ORC5: variants seen among roughly 807,000 people sequenced by gnomAD.
ORC5 encodes the protein protein phosphatase 1, regulatory subunit 117.
In ORC5, 39 loss-of-function variants were observed where a neutral mutation model predicts 58.8. The observed-to-expected ratio is 0.66, with a 90% confidence interval of 0.51 to 0.87. The LOEUF is 0.87. Ranked by LOEUF, ORC5 falls within the 40% of genes least tolerant of loss-of-function variation. The pLI, the probability that ORC5 is intolerant of heterozygous loss-of-function variation, is 0.00. For synonymous variants in ORC5, 218 were observed against 177.6 expected, an observed-to-expected ratio of 1.23 and a Z score of -1.81; for missense variants, 493 against 506.3, an observed-to-expected ratio of 0.97 and a Z score of 0.25.
chr7:104,203,379 C>T (rs1404344043), intron 2 of ORC5, among the ~76,000 whole-genome samples: 4 of 152,158 alleles, frequency 2.6e-5, no homozygotes, highest in African/African-American at 4.8e-5. Flanking sequence ...ACAGAAACTA[C>T]GTGGTCCACA....
intron 13 of ORC5, among the ~76,000 whole-genome samples, chr7:104,131,200 G>A (rs1392464968): frequency 2.6e-5 from 4 of 151,992 alleles, no homozygotes; most frequent in Non-Finnish European, 1.5e-5. Context: ...TACTATTTCT[G>A]CCCTTAGTCT....
chr7:104,191,570 GAA>G (rs1799677469), intron 5 of ORC5, among the ~76,000 whole-genome samples: 1 of 150,728 alleles, frequency 6.6e-6, no homozygotes, highest in Admixed American at 6.6e-5. Flanking sequence ...CAGCCCTGAT[GAA>G]AGTCTTATAA....
chr7:104,173,700 G>A (rs1275124113), intron 8 of ORC5, among the ~76,000 whole-genome samples: 1 of 152,150 alleles, frequency 6.6e-6, no homozygotes, highest in East Asian at 1.9e-4. Context: ...TTCTGGTAAG[G>A]ACAAGTGTCC....
chr7:104,197,309 C>T (rs1328432276), intron 4 of ORC5, among the ~76,000 whole-genome samples: 2 of 152,082 alleles, frequency 1.3e-5, no homozygotes, highest in East Asian at 1.9e-4. Flanking sequence ...AACTGAAATA[C>T]AAAAGTAAAC....
intron 3 of ORC5, among the ~76,000 whole-genome samples, 197 bp downstream of exon 3, chr7:104,200,561 G>A (rs1029698137): frequency 4.6e-5 from 7 of 152,206 alleles, no homozygotes; most frequent in South Asian, 2.1e-4. Flanking sequence ...GCATGTAGTC[G>A]TATGTATGTG....
At chr7:104,190,258 T>C (rs1799644671) in intron 5 of ORC5, among the ~76,000 whole-genome samples, 1 of 152,080 alleles carries the variant, frequency 6.6e-6, no homozygotes, top group South Asian at 2.1e-4. Context: ...AAAAATACTG[T>C]AGATTCTAGT....
Position 104,129,238 on chromosome 7 carries a change from T to A in ORC5, c.1263-2345A>T, listed in dbSNP as rs1798478970. On this transcript the variant is annotated intron_variant, in intron 13 of 13. Transcript: ENST00000297431. The surrounding 1 kb of genome is among the most constrained non-coding windows in gnomAD (Gnocchi z 4.9). ...TATAGCATTAGAATAGTTTGTACAATAAATAAATAACAGAACAGACTTAAT... is the reference window on the plus strand; with the variant it reads ...TATAGCATTAGAATAGTTTGTACAAAAAATAAATAACAGAACAGACTTAAT... Among the ~76,000 whole-genome samples the A allele has an allele frequency of 6.6e-6, 1 of 152,132 alleles. No homozygotes were observed. The highest frequency in any genetic ancestry group is 2.1e-4 in the South Asian group (1 of 4,836).
At chr7:104,179,109 ATT>A (rs34769476) in intron 8 of ORC5, among the ~76,000 whole-genome samples, 27,202 of 138,414 alleles carry the variant, frequency 0.2, 2,699 homozygotes, top group African/African-American at 0.24. Context: ...AGAAAAGTGA[ATT>A]TTTTTTTTTT....
intron 10 of ORC5, among the ~76,000 whole-genome samples, chr7:104,166,505 C>T (rs1562814634): frequency 6.6e-6 from 1 of 152,168 alleles, no homozygotes; most frequent in Non-Finnish European, 1.5e-5. Flanking sequence ...TTTCCATCCT[C>T]CACACTTTAA....
At chr7:104,189,267 A>G (rs183647689) in intron 5 of ORC5, among the ~76,000 whole-genome samples, 198 of 151,398 alleles carry the variant, frequency 1.3e-3, no homozygotes, top group African/African-American at 4.4e-3. Context: ...GAAACTTACA[A>G]TCATGGTGGA....
intron 12 of ORC5, among the ~76,000 whole-genome samples, chr7:104,147,942 T>C (rs567514007): frequency 6.7e-4 from 102 of 152,304 alleles, no homozygotes; most frequent in Middle Eastern, 3.4e-3. Flanking sequence ...ATGACACATA[T>C]GTGTTTTGGC....
intron 12 of ORC5, among the ~76,000 whole-genome samples, chr7:104,152,110 C>T (rs1467633937): frequency 6.6e-6 from 1 of 152,120 alleles, no homozygotes; most frequent in Non-Finnish European, 1.5e-5. Context: ...TTACTGGAAA[C>T]CCTCTTTAAG....
chr7:104,204,276 T>C (rs567824717), intron 1 of ORC5, 42 bp from the exon 2 acceptor site: 148 of 1,122,806 alleles, frequency 1.3e-4, no homozygotes, highest in Middle Eastern at 1.0e-3. Context: ...ACATACAAAA[T>C]AGAAAATAAA....
At chr7:104,159,585 G>C (rs1474973101) in intron 12 of ORC5, among the ~76,000 whole-genome samples, 2 of 94,978 alleles carry the variant, frequency 2.1e-5, no homozygotes, top group Non-Finnish European at 3.2e-5. Flanking sequence ...TAAGCTCATT[G>C]AAAGAAAAAA....
Position 104,138,037 on chromosome 7 carries a change from G to GT in ORC5, c.1150-1145dup, listed in dbSNP as rs1798618007. ...TAAGCATTCATCCCTAGATGCGGCC[G>GT]TGAGATTGGAGCCCCACAACCTGCC... On this transcript the variant is annotated intron_variant, in intron 12 of 13. Coordinates refer to ENST00000297431, the MANE Select transcript of ORC5 (RefSeq NM_002553.4). This position sits in a 1 kb window ranked among gnomAD's most constrained non-coding sequence, Gnocchi z 4.7. Among the ~76,000 whole-genome samples, 1 of 152,190 alleles carries GT rather than the reference G, an allele frequency of 6.6e-6. No individual in the cohort carries two copies.
At chr7:104,164,949 T>C (rs960156840) in intron 11 of ORC5, among the ~76,000 whole-genome samples, 2 of 152,220 alleles carry the variant, frequency 1.3e-5, no homozygotes, top group Non-Finnish European at 2.9e-5. Context: ...GGAAAATGCC[T>C]GTATTCAATT....
At position 104,201,483 on chromosome 7, in the gene ORC5, G is replaced by A. The variant is rs924200934; in HGVS notation, c.166-525C>T. Among the ~76,000 whole-genome samples the A allele has an allele frequency of 8.6e-5, 13 of 151,728 alleles. No homozygotes were observed. The South Asian group carries it at 1.0e-3, about 12-fold the overall frequency. On this transcript the variant is annotated intron_variant, in intron 2 of 13. Transcript: ENST00000297431. ...TTCAGCTTGCCATTTCTTTCTTATG[G>A]AAATTCAAAGCAAATTTGTATTTTC...
In ORC5 at chr7:104,136,837, A is replaced by G. The variant is rs1798596118; in HGVS notation, c.1206T>C (p.Leu402=). 1.2e-6 allele frequency: 2 copies of G among 1,613,978 alleles called. No individual in the cohort carries two copies. Among genetic ancestry groups the G allele is most frequent in the South Asian group, 1.1e-5 (1 of 91,086 alleles). Residue 402 remains leucine (L), a synonymous_variant, in exon 13 of 14, where the codon CTT becomes CTC. Coordinates refer to ENST00000297431, the MANE Select transcript of ORC5 (RefSeq NM_002553.4). The surrounding 1 kb of genome is among the most constrained non-coding windows in gnomAD (Gnocchi z 4.2). The part of the protein sequence containing the change: ...LLTLVGHDDQ[L]DGPKYKCTVS... ...CTGTGCATTTGTATTTTGGTCCATC[A>G]AGCTGATCGTCATGGCCAACCAGGG...
chr7:104,144,396 T>A (rs1798722195), intron 12 of ORC5, among the ~76,000 whole-genome samples: 1 of 152,222 alleles, frequency 6.6e-6, no homozygotes, highest in South Asian at 2.1e-4. Flanking sequence ...AATCCTTAAA[T>A]TGGCTAATTT....
Sources: gnomAD v4.1 joint callset for allele counts (sites outside exome capture counted in the v4.1 genomes callset) on GRCh38, gnomAD v4.1.1 for gene constraint, Gnocchi (gnomAD v3.1) non-coding constraint, MANE v1.5 for transcripts, NCBI Gene and HGNC (gene_info 2026-07-23, HGNC 2026-07-21) for gene names.